Variants in TYR observed in about 807,000 individuals in gnomAD.
The protein encoded by TYR is LB24-AB.
A neutral mutation model predicts 51.5 loss-of-function variants in TYR; 58 were observed. The ratio of observed to expected loss-of-function variants is 1.13; its 90% CI spans 0.91 to 1.40. The LOEUF (loss-of-function observed/expected upper bound fraction) is 1.40, where lower values mean the gene tolerates loss of function less well. Among genes scored for constraint, TYR ranks in the 40% most tolerant of loss-of-function variants. The pLI, the probability that TYR is intolerant of heterozygous loss-of-function variation, is 0.00. For synonymous variants in TYR, 263 were observed against 235.2 expected (o/e 1.12, Z -1.08); for missense variants, 732 against 647.4 (o/e 1.13, Z -1.42).
intron 3 of TYR, among the ~76,000 whole-genome samples, chr11:89,275,627 T>C (rs546481331): frequency 6.6e-5 from 10 of 151,986 alleles, no homozygotes; most frequent in Non-Finnish European, 1.5e-4. Context: ...AAAGAACAAT[T>C]TATGAACCAG....
intron 2 of TYR, among the ~76,000 whole-genome samples, chr11:89,200,804 G>A (rs1204355634): frequency 1.3e-5 from 2 of 152,068 alleles, no homozygotes; most frequent in Non-Finnish European, 2.9e-5. Context: ...TCAGAATAGA[G>A]AGAAGTATTT....
rs1943996024 is a variant in TYR, at chr11:89,227,836, A to C, written c.1050A>C (p.Pro350=). ...TTTAATGAACAGGATTTGCTAGTCC[A>C]CTTACTGGGATAGCGGATGCCTCTC... ...FRNTLEGFAS[P]LTGIADASQS... The change falls in exon 3 of 5, where the codon CCA becomes CCC. Residue 350 remains proline (P), a synonymous_variant. Coordinates refer to ENST00000263321, the MANE Select transcript of TYR (RefSeq NM_000372.5). The C allele has an allele frequency of 6.2e-7, 1 of 1,613,038 alleles. No individual in the cohort carries two copies. The highest frequency in any genetic ancestry group is 1.3e-5 in the African/African-American group (1 of 74,996).
In TYR at chr11:89,178,628, G is replaced by C. The variant is rs1943260560; in HGVS notation, c.675G>C (p.Leu225=). Residue 225 remains leucine (L), a synonymous_variant, in exon 1 of 5, where the codon CTG becomes CTC. Coordinates refer to ENST00000263321, the MANE Select transcript of TYR (RefSeq NM_000372.5). ...LLRWEQEIQK[L]TGDENFTIPY... ...GGTGGGAACAAGAAATCCAGAAGCTGACAGGAGATGAAAACTTCACTATTC... is the reference window on the plus strand; with the variant it reads ...GGTGGGAACAAGAAATCCAGAAGCTCACAGGAGATGAAAACTTCACTATTC... 2 of 1,612,408 alleles carry C rather than the reference G, an allele frequency of 1.2e-6. No individual in the cohort carries two copies. The highest frequency in any genetic ancestry group is 2.7e-5 in the African/African-American group (2 of 74,790).
intron 3 of TYR, among the ~76,000 whole-genome samples, chr11:89,267,026 T>G (rs1176419544): frequency 1.3e-5 from 2 of 151,906 alleles, no homozygotes; most frequent in African/African-American, 4.8e-5. Context: ...TCTGTACAGA[T>G]AGTAGATATA....
chr11:89,245,007 TAACCCC>T (rs1944246273), intron 3 of TYR, among the ~76,000 whole-genome samples: 1 of 152,232 alleles, frequency 6.6e-6, no homozygotes, highest in Non-Finnish European at 1.5e-5. Flanking sequence ...TAGTCCTCTT[TAACCCC>T]TGAATCTGCA....
At chr11:89,186,680 G>A (rs1346849573) in intron 1 of TYR, among the ~76,000 whole-genome samples, 1 of 152,144 alleles carries the variant, frequency 6.6e-6, no homozygotes, top group African/African-American at 2.4e-5. Context: ...CGGTGCACAG[G>A]TGATTACATA....
At chr11:89,287,753 C>G (rs921199336) in intron 4 of TYR, among the ~76,000 whole-genome samples, 1 of 151,860 alleles carries the variant, frequency 6.6e-6, no homozygotes, top group African/African-American at 2.4e-5. Flanking sequence ...ATTATTGCAG[C>G]TTCAGTATGC....
At chr11:89,243,219 A>G (rs1214084488) in intron 3 of TYR, among the ~76,000 whole-genome samples, 2 of 152,212 alleles carry the variant, frequency 1.3e-5, no homozygotes, top group African/African-American at 4.8e-5. Context: ...GGTAGTATTA[A>G]TGTTTTAGAA....
At chr11:89,219,869 CTG>C (rs1943884965) in intron 2 of TYR, among the ~76,000 whole-genome samples, 1 of 151,994 alleles carries the variant, frequency 6.6e-6, no homozygotes, top group Non-Finnish European at 1.5e-5. Context: ...AGAGAGTACT[CTG>C]TGAAAAAGCT....
chr11:89,258,581 C>T (rs1191246535), intron 3 of TYR, among the ~76,000 whole-genome samples: 1 of 151,558 alleles, frequency 6.6e-6, no homozygotes, highest in South Asian at 2.1e-4. Flanking sequence ...TTATAATGTG[C>T]ATCATAGAAT....
At chr11:89,252,070 C>A (rs563297372) in intron 3 of TYR, among the ~76,000 whole-genome samples, 1 of 151,716 alleles carries the variant, frequency 6.6e-6, no homozygotes, top group East Asian at 1.9e-4. Context: ...CAATGTCCTT[C>A]TATTTTTTCA....
rs920758369 is a variant in TYR at position 89,177,897 on chromosome 11, G to C, written c.-57G>C. 2 of 1,567,666 alleles carry C rather than the reference G, an allele frequency of 1.3e-6. No individual in the cohort carries two copies. Among genetic ancestry groups the C allele is most frequent in the African/African-American group, 2.7e-5 (2 of 74,104 alleles). On this transcript the variant is annotated 5_prime_UTR_variant, in exon 1 of 5. Transcript: ENST00000263321. ...ATCACTGTAGTAGTAGCTGGAAAGA[G>C]AAATCTGTGACTCCAATTAGCCAGT...
chr11:89,200,166 C>G (rs922787185), intron 2 of TYR: 1 of 152,220 alleles, frequency 6.6e-6, no homozygotes, highest in African/African-American at 2.4e-5. Context: ...ACCTCTGCCT[C>G]CCGGGTTCAA....
At chr11:89,283,836 GT>G (rs1944748935) in intron 3 of TYR, 1 of 151,686 alleles carries the variant, frequency 6.6e-6, no homozygotes, top group African/African-American at 2.4e-5. Context: ...TCCAGTCAAA[GT>G]TTTTAGTTGC....
intron 4 of TYR, among the ~76,000 whole-genome samples, chr11:89,287,024 C>T (rs1245216409): frequency 1.3e-5 from 2 of 151,784 alleles, no homozygotes; most frequent in Non-Finnish European, 2.9e-5. Context: ...TCTCTTTCTC[C>T]ATTTGTCAAA....
At chr11:89,268,188 G>A (rs760527941) in intron 3 of TYR, among the ~76,000 whole-genome samples, 2 of 151,802 alleles carry the variant, frequency 1.3e-5, no homozygotes, top group Non-Finnish European at 2.9e-5. Context: ...AGGTTCAAAC[G>A]AGTTCCTGTA....
Position 89,178,525 on chromosome 11 carries a change from G to A in TYR, c.572G>A (p.Gly191Glu), listed in dbSNP as rs2135242421. ...GTGTCAATGGATGCACTGCTTGGGGGATCTGAAATCTGGAGAGACATTGAT... is the reference window on the plus strand; with the variant it reads ...GTGTCAATGGATGCACTGCTTGGGGAATCTGAAATCTGGAGAGACATTGAT... ...YYVSMDALLGGSEIWRDIDFA... is the reference protein window; with the variant it reads ...YYVSMDALLGESEIWRDIDFA... The change falls in exon 1 of 5, where the codon GGA (glycine) becomes GAA (glutamate). Residue 191 changes from glycine (G) to glutamate (E), a missense_variant. By Grantham distance (98) the Gly-to-Glu change is moderately conservative. Coordinates refer to ENST00000263321, the MANE Select transcript of TYR (RefSeq NM_000372.5). The A allele has an allele frequency of 1.2e-6, 2 of 1,614,150 alleles. No homozygotes were observed. Among genetic ancestry groups the A allele is most frequent in the East Asian group, 2.2e-5 (1 of 44,874 alleles).
chr11:89,187,041 C>A (rs893837332), intron 1 of TYR, among the ~76,000 whole-genome samples: 3 of 152,118 alleles, frequency 2.0e-5, no homozygotes, highest in Admixed American at 6.6e-5. Context: ...GCCACCCAGT[C>A]TGTAGTATTT....
At chr11:89,257,540 TTAAA>T (rs752486750) in intron 3 of TYR, among the ~76,000 whole-genome samples, 27 of 152,096 alleles carry the variant, frequency 1.8e-4, no homozygotes, top group Non-Finnish European at 2.6e-4. Context: ...AATTATAAGA[TTAAA>T]TATCGTTGAT....
Sources: gnomAD v4.1 joint callset for allele counts (sites outside exome capture counted in the v4.1 genomes callset) on GRCh38, gnomAD v4.1.1 for gene constraint, MANE v1.5 for transcripts, NCBI Gene and HGNC (gene_info 2026-07-23, HGNC 2026-07-21) for gene names.